The following RBM33 variants were observed in gnomAD, a reference collection of about 807,000 sequenced individuals.
RBM33 encodes the protein RNA-binding protein 33.
In RBM33, 28 loss-of-function variants were observed where a neutral mutation model predicts 132.6. The observed-to-expected ratio is 0.21, with a 90% CI of 0.16 to 0.29. RBM33 has a LOEUF of 0.29. RBM33 is among the 10% of genes least tolerant of loss of function. The pLI is 1.00. For synonymous variants in RBM33, 634 were observed against 593.0 expected (o/e 1.07, Z -1.01); for missense variants, 1,291 against 1,518.5 (o/e 0.85, Z 2.49).
intron 8 of RBM33, among the ~76,000 whole-genome samples, chr7:155,711,899 C>T (rs1029353911): frequency 2.0e-5 from 3 of 152,228 alleles, no homozygotes; most frequent in African/African-American, 7.2e-5. Flanking sequence ...TAGTTTATTG[C>T]ACTGAAGCCG....
chr7:155,686,350 C>G (rs374125223), intron 5 of RBM33, among the ~76,000 whole-genome samples: 2 of 152,168 alleles, frequency 1.3e-5, no homozygotes, highest in African/African-American at 4.8e-5. Flanking sequence ...ATCTAAGTAG[C>G]CAGTAAAGGA....
chr7:155,716,970 G>A (rs766471345), intron 8 of RBM33, among the ~76,000 whole-genome samples: 19 of 152,160 alleles, frequency 1.2e-4, no homozygotes, highest in Non-Finnish European at 1.0e-4. Context: ...TGAAATTGAA[G>A]TGTGGGAAGT....
chr7:155,714,729 G>C (rs957814282), intron 8 of RBM33, among the ~76,000 whole-genome samples: 15 of 152,168 alleles, frequency 9.9e-5, no homozygotes, highest in African/African-American at 3.6e-4. Flanking sequence ...CTGATGGGTG[G>C]GGAATTTGGG....
intron 14 of RBM33, among the ~76,000 whole-genome samples, chr7:155,753,528 G>C (rs1324108716): frequency 1.3e-5 from 2 of 152,194 alleles, no homozygotes; most frequent in South Asian, 2.1e-4. Flanking sequence ...CTCTGGCAGC[G>C]CCTGGGAGTG....
chr7:155,676,152 G>T (rs1241931871), intron 3 of RBM33, among the ~76,000 whole-genome samples: 1 of 152,170 alleles, frequency 6.6e-6, no homozygotes, highest in Non-Finnish European at 1.5e-5. Context: ...GGCGCAGATA[G>T]CCCGAGGGAG....
intron 2 of RBM33, among the ~76,000 whole-genome samples, chr7:155,668,304 T>G (rs1798854945): frequency 6.6e-6 from 1 of 152,222 alleles, no homozygotes. Context: ...CAAGTGTTGT[T>G]TCATGTACAG....
chr7:155,750,880 C>T (rs1183163417), intron 14 of RBM33, among the ~76,000 whole-genome samples: 1 of 152,102 alleles, frequency 6.6e-6, no homozygotes, highest in Non-Finnish European at 1.5e-5. Context: ...CTGTTGGCCA[C>T]ACAGAGAAAT....
At chr7:155,707,459 T>G in intron 7 of RBM33, 1 of 363,680 alleles carries the variant, frequency 2.7e-6, no homozygotes, top group East Asian at 7.7e-5. Context: ...TATAAAAATA[T>G]CTTTACCTTT....
At chr7:155,702,236 G>C (rs983234813) in intron 6 of RBM33, among the ~76,000 whole-genome samples, 4 of 152,134 alleles carry the variant, frequency 2.6e-5, no homozygotes, top group Admixed American at 2.0e-4. Context: ...TTAAGTAGCA[G>C]ATACGAATTC....
intron 3 of RBM33, among the ~76,000 whole-genome samples, chr7:155,673,411 T>TGGGG (rs1563137151): frequency 4.8e-5 from 1 of 20,770 alleles, no homozygotes; most frequent in African/African-American, 8.7e-5. Context: ...ATTGTGTGTG[T>TGGGG]GTGTGTGTGT....
chr7:155,723,075 C>T (rs1800674046), intron 9 of RBM33, among the ~76,000 whole-genome samples: 1 of 152,186 alleles, frequency 6.6e-6, no homozygotes, highest in Non-Finnish European at 1.5e-5. Context: ...AGTTACAGAA[C>T]ATCACACATC....
chr7:155,732,767 G>A (rs1314201422), intron 9 of RBM33, among the ~76,000 whole-genome samples: 1 of 152,234 alleles, frequency 6.6e-6, no homozygotes, highest in East Asian at 1.9e-4. Flanking sequence ...TGCAGGCAGA[G>A]GGGACAGCTG....
At chr7:155,762,153 G>T (rs570542075) in intron 14 of RBM33, among the ~76,000 whole-genome samples, 93 of 152,346 alleles carry the variant, frequency 6.1e-4, no homozygotes, top group African/African-American at 2.1e-3. Flanking sequence ...GCAGCCATGT[G>T]GGGAGAGCCC....
chr7:155,705,097 T>C (rs1800076656), intron 6 of RBM33, among the ~76,000 whole-genome samples: 1 of 152,248 alleles, frequency 6.6e-6, no homozygotes, highest in African/African-American at 2.4e-5. Context: ...GACAGTGCAG[T>C]GTAAACTTTG....
Position 155,735,891 on chromosome 7 carries a change from T to C in RBM33, c.1261-1639T>C, listed in dbSNP as rs369240873. 9.2e-5 allele frequency among the ~76,000 whole-genome samples: 14 copies of C among 152,346 alleles called. No individual in the cohort carries two copies. In the East Asian group the frequency reaches 1.2e-3, roughly 13 times the overall value. On this transcript the variant is annotated intron_variant, in intron 9 of 17. Transcript: ENST00000401878. ...ATTTATTGGGTTCATTGTGTCTTAA[T>C]TGATGTCTTTATCTAGAGAAGTGAC... is the stretch of plus-strand genomic sequence containing the variant.
chr7:155,644,912 C>T lies in RBM33; in HGVS notation c.36C>T (p.Gly12=). The change falls in exon 1 of 18, where the codon GGC becomes GGT. Residue 12 remains glycine (G), a synonymous_variant. Coordinates refer to ENST00000401878, the MANE Select transcript of RBM33 (RefSeq NM_053043.3). ...CCCTGGGAGCGAGCGGAGGAGCAGG[C>T]GCCGGAGGTACGTGAGGCAGCCGGA... ...AAALGASGGA[G]AGDDDFDQFD... 6.7e-7 allele frequency: 1 copy of T among 1,499,016 alleles called. No individual in the cohort carries two copies. The highest frequency in any genetic ancestry group is 8.8e-7 in the Non-Finnish European group (1 of 1,130,162). The allele number at this position is 1,499,016 out of a possible 1,614,324, so 92.9% of individuals were successfully genotyped here. A position where few individuals can be genotyped will look rare whatever the true frequency, so the allele number is the denominator to read the frequency against.
In RBM33 at chr7:155,752,409, AT is replaced by A. The variant is rs1420870688; in HGVS notation, c.2979+6812del. On this transcript the variant is annotated intron_variant, in intron 14 of 17. Transcript: ENST00000401878. Reference sequence around the variant, plus strand: ...GGTCATTGGTGGGAATTAGGAAGTAATTTTTGCTATTTTGATTTCATTTTTT... The same window carrying A: ...GGTCATTGGTGGGAATTAGGAAGTAATTTTGCTATTTTGATTTCATTTTTT... 3.3e-5 allele frequency among the ~76,000 whole-genome samples: 5 copies of A among 152,252 alleles called. No individual in the cohort carries two copies. The East Asian group carries it at 9.6e-4, about 29-fold the overall frequency.
At chr7:155,673,408 GTGTGT>G (rs370149138) in intron 3 of RBM33, among the ~76,000 whole-genome samples, 91,759 of 144,430 alleles carry the variant, frequency 0.64, 30,263 homozygotes, top group South Asian at 0.75. Context: ...TATATTGTGT[GTGTGT>G]GTGTGTGTGT....
At chr7:155,680,137 C>T (rs1268804034) in intron 4 of RBM33, among the ~76,000 whole-genome samples, 1 of 152,026 alleles carries the variant, frequency 6.6e-6, no homozygotes, top group Non-Finnish European at 1.5e-5. Flanking sequence ...CTTAAAATTC[C>T]GATTCTGATT....
Sources: gnomAD v4.1 joint callset for allele counts (sites outside exome capture counted in the v4.1 genomes callset) on GRCh38, gnomAD v4.1.1 for gene constraint, MANE v1.5 for transcripts, NCBI Gene and HGNC (gene_info 2026-07-23, HGNC 2026-07-21) for gene names.